Variants in ABHD2 observed in about 807,000 individuals in gnomAD.
ABHD2 encodes abhydrolase domain containing 2, acylglycerol lipase, also known as monoacylglycerol lipase ABHD2.
Under a neutral mutation model 48.1 loss-of-function variants are expected in ABHD2, and 20 were observed. That is an observed-to-expected ratio of 0.42 (90% CI 0.29 to 0.60). The LOEUF is 0.60. Among genes scored for constraint, ABHD2 ranks in the 20% least tolerant of loss-of-function variants. The pLI, the probability that ABHD2 is intolerant of heterozygous loss-of-function variation, is 0.24. For synonymous variants in ABHD2, 209 were observed against 214.2 expected, an observed-to-expected ratio of 0.98 and a Z score of 0.21; for missense variants, 405 against 550.9, an observed-to-expected ratio of 0.74 and a Z score of 2.65.
intron 3 of ABHD2, among the ~76,000 whole-genome samples, chr15:89,132,787 T>C (rs1376430986): frequency 6.6e-6 from 1 of 152,216 alleles, no homozygotes; most frequent in Admixed American, 6.5e-5. Flanking sequence ...TTCTAGAACA[T>C]GCTTATCTGC....
rs930924700 is a variant in ABHD2 at position 89,094,340 on chromosome 15, T to G, written c.-107+5777T>G. 2.6e-5 allele frequency: 4 copies of G among 152,164 alleles called. No homozygotes were observed. Among genetic ancestry groups the G allele is most frequent in the Non-Finnish European group, 5.9e-5 (4 of 68,038 alleles). The allele number at this position is 152,164 out of a possible 1,614,324, so 9.4% of individuals were successfully genotyped here. A position where few individuals can be genotyped will look rare whatever the true frequency, so the allele number is the denominator to read the frequency against. ...ATGTATTTGTGTACTGTTTACTTAGTCATGTCAATGAGGGCAATAAAAAAC... is the reference window on the plus strand; with the variant it reads ...ATGTATTTGTGTACTGTTTACTTAGGCATGTCAATGAGGGCAATAAAAAAC... On this transcript the variant is annotated intron_variant, in intron 1 of 10. Coordinates refer to ENST00000352732, the MANE Select transcript of ABHD2 (RefSeq NM_152924.5). The surrounding 1 kb of genome is among the most constrained non-coding windows in gnomAD (Gnocchi z 4.7).
chr15:89,145,127 G>A (rs998264923), intron 3 of ABHD2, among the ~76,000 whole-genome samples: 4 of 152,142 alleles, frequency 2.6e-5, no homozygotes, highest in Non-Finnish European at 4.4e-5. Context: ...GTGGTGGCAG[G>A]TGCCTGTAAT....
chr15:89,091,183 G>C lies in ABHD2; in HGVS notation c.-107+2620G>C, dbSNP rs293377. On this transcript the variant is annotated intron_variant, in intron 1 of 10. Transcript: ENST00000352732. This position sits in a 1 kb window ranked among gnomAD's most constrained non-coding sequence, Gnocchi z 5.5. ...TGGGTCTGACAAATAGGCACTCTCA[G>C]TGTGCCAGCCAATTCCCTTTTGATG... is the stretch of plus-strand genomic sequence containing the variant. Among the ~76,000 whole-genome samples, 96,886 of 152,030 alleles carry C rather than the reference G, an allele frequency of 0.64. 31,235 individuals are homozygous for C. The highest frequency in any genetic ancestry group is 0.72 in the South Asian group (3,488 of 4,816).
At chr15:89,108,009 T>C (rs1292303488) in intron 1 of ABHD2, among the ~76,000 whole-genome samples, 1 of 152,098 alleles carries the variant, frequency 6.6e-6, no homozygotes, top group Non-Finnish European at 1.5e-5. Context: ...AGAATGCAAT[T>C]TGTATTATGT....
upstream of ABHD2, chr15:89,088,172 C>G (rs1451605246): frequency 1.3e-5 from 2 of 152,444 alleles, no homozygotes; most frequent in African/African-American, 4.8e-5. This position sits in a 1 kb window ranked among gnomAD's most constrained non-coding sequence, Gnocchi z 6.8. Flanking sequence ...CTTTCCCCGC[C>G]CACTCCGGGC....
intron 3 of ABHD2, among the ~76,000 whole-genome samples, chr15:89,123,190 C>T (rs1441305745): frequency 6.6e-6 from 1 of 152,232 alleles, no homozygotes; most frequent in Non-Finnish European, 1.5e-5. Context: ...GGTGCCCTCT[C>T]TGGACGTGTC....
chr15:89,125,298 TG>T (rs2050114897), intron 3 of ABHD2, among the ~76,000 whole-genome samples: 1 of 152,234 alleles, frequency 6.6e-6, no homozygotes, highest in African/African-American at 2.4e-5. Flanking sequence ...TGGATATTTC[TG>T]GTAAACTATT....
chr15:89,073,027 A>C, the ABHD2 span, among the ~76,000 whole-genome samples: 1 of 152,194 alleles, frequency 6.6e-6, no homozygotes, highest in African/African-American at 2.4e-5. Flanking sequence ...ACATACTTAT[A>C]CTAAAAAAGT....
chr15:89,058,373 C>CA, the ABHD2 span, among the ~76,000 whole-genome samples: 2 of 152,186 alleles, frequency 1.3e-5, no homozygotes, highest in Non-Finnish European at 2.9e-5. Flanking sequence ...CATGTGAACA[C>CA]AGGTAGTGAG....
chr15:89,201,736 G>C lies in ABHD2; in HGVS notation c.*6313G>C. ...TCTGTGAAGGGGCCTTTGAATTTGA[G>C]GTCTATGGGCGGGTCGAGGACCAGG... On this transcript the variant is annotated 3_prime_UTR_variant, in exon 11 of 11. Transcript: ENST00000352732. 4 of 1,587,572 alleles carry C rather than the reference G, an allele frequency of 2.5e-6. No homozygotes were observed. The Admixed American group carries it at 5.0e-5, about 20-fold the overall frequency.
rs556418607 is a variant in ABHD2 at position 89,170,908 on chromosome 15, G to T, written c.539-4904G>T. On this transcript the variant is annotated intron_variant, in intron 5 of 10. Transcript: ENST00000352732. Reference sequence around the variant, plus strand: ...CGAGGGGGGCGGATCACAAGGTCAGGAGTTCAAGACCAGCCTGGCCAACAT... The same window carrying T: ...CGAGGGGGGCGGATCACAAGGTCAGTAGTTCAAGACCAGCCTGGCCAACAT... 2.8e-3 allele frequency among the ~76,000 whole-genome samples: 419 copies of T among 152,240 alleles called. 2 individuals are homozygous for T. Among genetic ancestry groups the T allele is most frequent in the African/African-American group, 9.3e-3 (388 of 41,532 alleles).
the ABHD2 span, among the ~76,000 whole-genome samples, chr15:89,043,907 T>C: frequency 6.6e-6 from 1 of 152,122 alleles, no homozygotes; most frequent in African/African-American, 2.4e-5. Flanking sequence ...TTTTTAATTT[T>C]TTATTATTAT....
intron 1 of ABHD2, among the ~76,000 whole-genome samples, chr15:89,109,230 GCTTGT>G (rs544974760): frequency 3.5e-3 from 528 of 152,336 alleles, no homozygotes; most frequent in Non-Finnish European, 5.1e-3. Flanking sequence ...TACCAGTCAA[GCTTGT>G]CTTAGAGACC....
rs1156301084 is a variant in ABHD2 at position 89,188,925 on chromosome 15, A to G, written c.926+622A>G. ...AAGTAGAAAAACAGAAGATAGACCAAGAGGACTATGTGTTTCAAGCAAAAT... is the reference window on the plus strand; with the variant it reads ...AAGTAGAAAAACAGAAGATAGACCAGGAGGACTATGTGTTTCAAGCAAAAT... On this transcript the variant is annotated intron_variant, in intron 8 of 10. Coordinates refer to ENST00000352732, the MANE Select transcript of ABHD2 (RefSeq NM_152924.5). The surrounding 1 kb of genome is among the most constrained non-coding windows in gnomAD (Gnocchi z 4.1). 1.3e-5 allele frequency among the ~76,000 whole-genome samples: 2 copies of G among 152,038 alleles called. No individual in the cohort carries two copies. Among genetic ancestry groups the G allele is most frequent in the Admixed American group, 6.6e-5 (1 of 15,264 alleles).
At position 89,092,976 on chromosome 15, in the gene ABHD2, G is replaced by C. The variant is rs1901653733; in HGVS notation, c.-107+4413G>C. ...GTGAGAGCCCGGGGGAGGTGCAGGG[G>C]AGCTTCTAAAGGTCAGCTGAGAAGG... On this transcript the variant is annotated intron_variant, in intron 1 of 10. Transcript: ENST00000352732. The surrounding 1 kb of genome is among the most constrained non-coding windows in gnomAD (Gnocchi z 4.4). Among the ~76,000 whole-genome samples the C allele has an allele frequency of 6.6e-6, 1 of 152,146 alleles. No homozygotes were observed. Among genetic ancestry groups the C allele is most frequent in the Non-Finnish European group, 1.5e-5 (1 of 68,020 alleles).
At chr15:89,060,492 C>T in the ABHD2 span, among the ~76,000 whole-genome samples, 2 of 152,070 alleles carry the variant, frequency 1.3e-5, no homozygotes. Context: ...GATATAAAAA[C>T]CTAAGGACTT....
the ABHD2 span, among the ~76,000 whole-genome samples, chr15:89,058,435 C>T: frequency 6.6e-6 from 1 of 152,296 alleles, no homozygotes; most frequent in South Asian, 2.1e-4. Context: ...CCCGCAGGCA[C>T]AGAAGAGGGC....
rs2049588036 is a variant in ABHD2 at position 89,094,905 on chromosome 15, A to G, written c.-107+6342A>G. Among the ~76,000 whole-genome samples, 1 of 151,784 alleles carries G rather than the reference A, an allele frequency of 6.6e-6. No individual in the cohort carries two copies. The highest frequency in any genetic ancestry group is 1.5e-5 in the Non-Finnish European group (1 of 67,942). ...TGATGAAACCCCATATCCACTAAAA[A>G]TACAAAATATTAGCCGGGCATGGTG... On this transcript the variant is annotated intron_variant, in intron 1 of 10. Coordinates refer to ENST00000352732, the MANE Select transcript of ABHD2 (RefSeq NM_152924.5). This position sits in a 1 kb window ranked among gnomAD's most constrained non-coding sequence, Gnocchi z 4.7.
upstream of ABHD2, among the ~76,000 whole-genome samples, chr15:89,085,348 G>C (rs903533116): frequency 2.0e-5 from 3 of 150,032 alleles, no homozygotes; most frequent in Non-Finnish European, 4.4e-5. This position sits in a 1 kb window ranked among gnomAD's most constrained non-coding sequence, Gnocchi z 4.2. Flanking sequence ...CACTAAACTT[G>C]AAGGCAAAAA....
Sources: allele counts gnomAD v4.1 joint callset (sites outside exome capture counted in the v4.1 genomes callset), GRCh38; gene constraint gnomAD v4.1.1; non-coding constraint Gnocchi (gnomAD v3.1); transcripts MANE v1.5; gene names NCBI Gene and HGNC (gene_info 2026-07-23, HGNC 2026-07-21).